QDPR: variants seen among roughly 807,000 people sequenced by gnomAD.
QDPR encodes dihydropteridine reductase.
In QDPR, 23 loss-of-function variants were observed where a neutral mutation model predicts 31.7. The observed-to-expected ratio is 0.73, with a 90% CI of 0.52 to 1.03. The LOEUF (loss-of-function observed/expected upper bound fraction) is 1.03, where lower values mean the gene tolerates loss of function less well. QDPR is among the 50% of genes least tolerant of loss of function. The probability of loss-of-function intolerance (pLI) is 0.00; values close to 1 mark genes in which losing one functional copy is unlikely to be tolerated. For missense variants in QDPR, 324 were observed against 323.8 expected (o/e 1.00, Z 0.00); for synonymous variants, 124 against 124.7 (o/e 0.99, Z 0.03).
At chr4:17,509,833 A>G (rs1193954816) in intron 1 of QDPR, 2 of 393,704 alleles carry the variant, frequency 5.1e-6, no homozygotes, top group Admixed American at 2.9e-5. Context: ...ACCTCCAAAC[A>G]CTCTACTCCG....
rs747311750 is a variant in QDPR at position 17,496,442 on chromosome 4, C to CAAAAAAAAAAAAAAAAAAAAAAAAA, written c.437-4127_437-4103dup. Among the ~76,000 whole-genome samples, 5 of 64,608 alleles carry CAAAAAAAAAAAAAAAAAAAAAAAAA rather than the reference C, an allele frequency of 7.7e-5. 1 individual carries two copies. The highest frequency in any genetic ancestry group is 1.1e-4 in the Non-Finnish European group (4 of 35,382). The allele number at this position is 64,608 out of a possible 152,430, so 42.4% of individuals were successfully genotyped here. A position where few individuals can be genotyped will look rare whatever the true frequency, so the allele number is the denominator to read the frequency against. ...CTGGGCAATAAGGGCAAAACTGTCT[C>CAAAAAAAAAAAAAAAAAAAAAAAAA]AAAAAAAAAAAAAAAAAAAAAAAAA... On this transcript the variant is annotated intron_variant, in intron 4 of 6. Transcript: ENST00000281243.
At chr4:17,504,736 C>A (rs1229481726) in intron 2 of QDPR, among the ~76,000 whole-genome samples, 1 of 151,736 alleles carries the variant, frequency 6.6e-6, no homozygotes, top group Non-Finnish European at 1.5e-5. Context: ...CATGAGCATC[C>A]CTTGAAATAC....
At chr4:17,494,408 A>G (rs1310076078) in intron 4 of QDPR, among the ~76,000 whole-genome samples, 1 of 152,040 alleles carries the variant, frequency 6.6e-6, no homozygotes, top group Non-Finnish European at 1.5e-5. Context: ...ACCCGGGAGG[A>G]GCTACAGCTT....
At position 17,512,071 on chromosome 4, in the gene QDPR, C is replaced by G. The variant is rs560782260; in HGVS notation, c.-17G>C. 1.9e-6 allele frequency: 3 copies of G among 1,574,864 alleles called. No homozygotes were observed. The East Asian group carries it at 7.1e-5, about 37-fold the overall frequency. On this transcript the variant is annotated 5_prime_UTR_variant, in exon 1 of 7. Coordinates refer to ENST00000281243, the MANE Select transcript of QDPR (RefSeq NM_000320.3). Reference sequence around the variant, plus strand: ...CGCCGCCATCCTGCTCCTGCCAGCCCGGCTCCCGCAGCTCCGAATGCCTCG... The same window carrying G: ...CGCCGCCATCCTGCTCCTGCCAGCCGGGCTCCCGCAGCTCCGAATGCCTCG...
chr4:17,505,243 C>CTTTTTTTTTTTTTTT (rs1230268105), intron 2 of QDPR, among the ~76,000 whole-genome samples: 1 of 103,298 alleles, frequency 9.7e-6, no homozygotes, highest in Non-Finnish European at 2.0e-5. Flanking sequence ...CTTAAGATTT[C>CTTTTTTTTTTTTTTT]TTTTTTTTTT....
At position 17,501,739 on chromosome 4, in the gene QDPR, G is replaced by C; in HGVS notation, c.416C>G (p.Ala139Gly). ...GGLLTLAGAK[A>G]ALDGTPGMIG... ...CTTACCAGGAGTCCCATCCAGGGCA[G>C]CCTTTGCGCCAGCCAAGGTCAGGAG... is the stretch of plus-strand genomic sequence containing the variant. The change falls in exon 4 of 7, where the codon GCT becomes GGT. Residue 139 changes from alanine (A) to glycine (G), a missense_variant. Ala to Gly is a moderately conservative substitution (Grantham distance 60, BLOSUM62 0). Transcript: ENST00000281243. The C allele has an allele frequency of 6.2e-7, 1 of 1,614,136 alleles. No homozygotes were observed. The highest frequency in any genetic ancestry group is 8.5e-7 in the Non-Finnish European group (1 of 1,180,032).
chr4:17,507,698 G>C (rs1196503366), intron 2 of QDPR, among the ~76,000 whole-genome samples: 1 of 151,818 alleles, frequency 6.6e-6, no homozygotes, highest in Non-Finnish European at 1.5e-5. Context: ...CTGCCTCCCA[G>C]GTTCAAGTGA....
chr4:17,509,393 G>A (rs770008219), intron 1 of QDPR, 30 bp from the exon 2 acceptor site: 4 of 1,581,818 alleles, frequency 2.5e-6, no homozygotes, highest in East Asian at 4.5e-5. Flanking sequence ...TTGGTTAAGA[G>A]GCAGTGAGTT....
chr4:17,508,330 T>C (rs1478841460), intron 2 of QDPR, among the ~76,000 whole-genome samples: 1 of 152,180 alleles, frequency 6.6e-6, no homozygotes, highest in African/African-American at 2.4e-5. Flanking sequence ...TCCCAGCTAC[T>C]CAGGAGACTG....
chr4:17,488,049 G>A (rs1718029703), intron 6 of QDPR, among the ~76,000 whole-genome samples: 1 of 152,078 alleles, frequency 6.6e-6, no homozygotes, highest in African/African-American at 2.4e-5. Flanking sequence ...GATCACTTGA[G>A]CCCAGGAGTT....
chr4:17,508,204 A>G (rs577089518), intron 2 of QDPR, among the ~76,000 whole-genome samples: 3 of 152,326 alleles, frequency 2.0e-5, no homozygotes, highest in African/African-American at 7.2e-5. Context: ...TGGGAGGCCA[A>G]GGTGGGTGGA....
chr4:17,489,179 G>C (rs1017249279), intron 6 of QDPR, among the ~76,000 whole-genome samples: 4 of 152,224 alleles, frequency 2.6e-5, no homozygotes, highest in Non-Finnish European at 5.9e-5. Flanking sequence ...GATGGTAGAG[G>C]AAGGATGTGC....
chr4:17,488,643 T>C (rs1054175136), intron 6 of QDPR, among the ~76,000 whole-genome samples: 2 of 152,204 alleles, frequency 1.3e-5, no homozygotes, highest in Non-Finnish European at 1.5e-5. Context: ...AACATTTACA[T>C]TTGAGTACAT....
At chr4:17,507,674 G>A (rs1166931581) in intron 2 of QDPR, among the ~76,000 whole-genome samples, 1 of 151,650 alleles carries the variant, frequency 6.6e-6, no homozygotes, top group Non-Finnish European at 1.5e-5. Context: ...CACAATCTTG[G>A]CTCACTGCAA....
chr4:17,490,983 C>T (rs939074313), intron 5 of QDPR, among the ~76,000 whole-genome samples: 1 of 152,130 alleles, frequency 6.6e-6, no homozygotes, highest in East Asian at 1.9e-4. Context: ...CTGTGGCTCA[C>T]CACTTAGGCA....
At position 17,487,571 on chromosome 4, in the gene QDPR, G is replaced by A. The variant is rs549675481; in HGVS notation, c.630-335C>T. Among the ~76,000 whole-genome samples the A allele has an allele frequency of 3.0e-4, 45 of 152,186 alleles. No individual in the cohort carries two copies. In the South Asian group the frequency reaches 7.5e-3, roughly 25 times the overall value. ...TGAGGAAGTAGAATCACTTGCACCC[G>A]GGAAGCAGAGGTAAGCCGAGGTTGC... On this transcript the variant is annotated intron_variant, in intron 6 of 6. Coordinates refer to ENST00000281243, the MANE Select transcript of QDPR (RefSeq NM_000320.3).
chr4:17,500,221 G>A (rs1460404261), intron 4 of QDPR, among the ~76,000 whole-genome samples: 1 of 152,086 alleles, frequency 6.6e-6, no homozygotes, highest in Non-Finnish European at 1.5e-5. Context: ...CCAAAGTTCT[G>A]GGATTACAGG....
intron 4 of QDPR, among the ~76,000 whole-genome samples, chr4:17,495,129 G>C (rs1718305996): frequency 6.6e-6 from 1 of 152,190 alleles, no homozygotes; most frequent in Admixed American, 6.5e-5. Flanking sequence ...TCCAGATCAA[G>C]CAGTCATCTG....
At chr4:17,505,166 G>T (rs540714628) in intron 2 of QDPR, among the ~76,000 whole-genome samples, 1 of 151,266 alleles carries the variant, frequency 6.6e-6, no homozygotes, top group African/African-American at 2.4e-5. Context: ...CATCCACCAC[G>T]ACTCTTCCGT....
Sources: allele counts gnomAD v4.1 joint callset (sites outside exome capture counted in the v4.1 genomes callset), GRCh38; gene constraint gnomAD v4.1.1; transcripts MANE v1.5; gene names NCBI Gene and HGNC (gene_info 2026-07-23, HGNC 2026-07-21).